Variants in JARID2 observed in about 807,000 individuals in gnomAD.
JARID2 encodes jumonji and AT-rich interaction domain containing 2.
Under a neutral mutation model 125.6 loss-of-function variants are expected in JARID2, and 21 were observed. The observed-to-expected ratio is 0.17, with a 90% CI of 0.12 to 0.24. The LOEUF (loss-of-function observed/expected upper bound fraction) is 0.24, where lower values mean the gene tolerates loss of function less well. Ranked by LOEUF, JARID2 falls within the 10% of genes least tolerant of loss-of-function variation. The pLI, the probability that JARID2 is intolerant of heterozygous loss-of-function variation, is 1.00. For missense variants in JARID2, 1,303 were observed against 1,639.6 expected (o/e 0.79, Z 3.55); for synonymous variants, 736 against 661.6 (o/e 1.11, Z -1.73).
intron 1 of JARID2, among the ~76,000 whole-genome samples, chr6:15,284,951 C>T (rs61307724): frequency 6.6e-6 from 1 of 152,088 alleles, no homozygotes; most frequent in Non-Finnish European, 1.5e-5. Flanking sequence ...AGAACTGGCT[C>T]TGCGCCCCTC....
intron 1 of JARID2, among the ~76,000 whole-genome samples, chr6:15,268,963 G>T (rs1189396283): frequency 2.0e-5 from 3 of 152,180 alleles, no homozygotes; most frequent in Non-Finnish European, 4.4e-5. Context: ...GTGTGCGTGT[G>T]CCCATGGCAG....
intron 6 of JARID2, among the ~76,000 whole-genome samples, chr6:15,492,307 G>A (rs527920556): frequency 5.5e-4 from 84 of 152,354 alleles, no homozygotes; most frequent in Admixed American, 4.6e-4. Context: ...TGTAGCCCAC[G>A]TCGGCGCTAA....
intron 1 of JARID2, among the ~76,000 whole-genome samples, chr6:15,257,374 A>G (rs531217730): frequency 1.3e-5 from 2 of 152,264 alleles, no homozygotes; most frequent in African/African-American, 4.8e-5. Flanking sequence ...ACTTGCACAT[A>G]CAGTTTTATA....
At chr6:15,381,111 T>TG (rs1764565276) in intron 2 of JARID2, among the ~76,000 whole-genome samples, 1 of 151,180 alleles carries the variant, frequency 6.6e-6, no homozygotes, top group Non-Finnish European at 1.5e-5. Context: ...CCCAGCACTT[T>TG]GGGGGGCCGA....
At chr6:15,392,118 A>G (rs1349610665) in intron 2 of JARID2, among the ~76,000 whole-genome samples, 1 of 150,664 alleles carries the variant, frequency 6.6e-6, no homozygotes, top group Non-Finnish European at 1.5e-5. Flanking sequence ...AACTTGGCCT[A>G]GGTTTTAGTG....
Position 15,410,107 on chromosome 6 carries a change from TTC to T in JARID2, c.182-113_182-112del, listed in dbSNP as rs149565712. 9.6e-4 allele frequency: 900 copies of T among 933,774 alleles called. 5 individuals carry two copies. The African/African-American group carries it at 0.013, about 13-fold the overall frequency. 57.8% of individuals were successfully genotyped at this position (933,774 alleles called of 1,614,324 possible). On this transcript the variant is annotated intron_variant, in intron 2 of 17. Coordinates refer to ENST00000341776, the MANE Select transcript of JARID2 (RefSeq NM_004973.4). ...TTCAAAAGGGATGTGTGCTTTTAAA[TTC>T]TCTTCTATCCACATTCTTGTCTGTC...
chr6:15,278,265 G>A (rs1201936005), intron 1 of JARID2, among the ~76,000 whole-genome samples: 2 of 150,834 alleles, frequency 1.3e-5, no homozygotes, highest in Non-Finnish European at 3.0e-5. Flanking sequence ...GCTGGGCGCC[G>A]TGGCTCTGCC....
At chr6:15,282,018 C>G (rs973307273) in intron 1 of JARID2, among the ~76,000 whole-genome samples, 5 of 151,698 alleles carry the variant, frequency 3.3e-5, no homozygotes, top group African/African-American at 1.2e-4. Context: ...GGCATGATCT[C>G]AGCGAACTGT....
At chr6:15,312,144 C>T (rs1246716807) in intron 1 of JARID2, among the ~76,000 whole-genome samples, 1 of 152,188 alleles carries the variant, frequency 6.6e-6, no homozygotes, top group Non-Finnish European at 1.5e-5. Context: ...CAGCCTTCAC[C>T]TCCCAGGTTC....
At chr6:15,461,437 C>CAGG (rs1768444214) in intron 4 of JARID2, among the ~76,000 whole-genome samples, 1 of 152,124 alleles carries the variant, frequency 6.6e-6, no homozygotes, top group African/African-American at 2.4e-5. Context: ...AGCTGTAATC[C>CAGG]AGGAGGAGGA....
intron 1 of JARID2, among the ~76,000 whole-genome samples, chr6:15,315,791 C>G (rs745886122): frequency 6.6e-6 from 1 of 152,168 alleles, no homozygotes; most frequent in Non-Finnish European, 1.5e-5. Context: ...GTTAATGAAG[C>G]AAGCAAGTCC....
intron 1 of JARID2, among the ~76,000 whole-genome samples, chr6:15,281,696 C>G (rs1760756631): frequency 6.6e-6 from 1 of 152,222 alleles, no homozygotes; most frequent in Non-Finnish European, 1.5e-5. Flanking sequence ...CATTCTATTT[C>G]ATGCTGCAAG....
chr6:15,374,013 C>T, intron 1 of JARID2, 104 bp from the exon 2 acceptor site: 1 of 1,330,920 alleles, frequency 7.5e-7, no homozygotes. Flanking sequence ...GTCGTGGTCA[C>T]ACAGTACGTG....
intron 4 of JARID2, among the ~76,000 whole-genome samples, chr6:15,455,680 C>T (rs896574006): frequency 1.3e-5 from 2 of 152,172 alleles, no homozygotes; most frequent in Middle Eastern, 6.8e-3. Flanking sequence ...TACAGGCGCC[C>T]ACCACTACGC....
intron 2 of JARID2, chr6:15,400,864 T>C (rs1765402859): frequency 1.6e-6 from 2 of 1,286,716 alleles, no homozygotes; most frequent in Non-Finnish European, 2.0e-6. Flanking sequence ...TGACAAGTGC[T>C]CCGGAGCCTG....
At chr6:15,273,869 A>G (rs1041976004) in intron 1 of JARID2, among the ~76,000 whole-genome samples, 1 of 152,046 alleles carries the variant, frequency 6.6e-6, no homozygotes, top group African/African-American at 2.4e-5. Context: ...ATACTCACTG[A>G]AGAACATACT....
At chr6:15,393,934 T>C (rs1765120112) in intron 2 of JARID2, among the ~76,000 whole-genome samples, 1 of 152,112 alleles carries the variant, frequency 6.6e-6, no homozygotes, top group Admixed American at 6.5e-5. Flanking sequence ...TGTAAAATTG[T>C]AATTAATAAA....
intron 16 of JARID2, among the ~76,000 whole-genome samples, chr6:15,513,892 CA>C (rs1771405744): frequency 6.6e-6 from 1 of 152,228 alleles, no homozygotes; most frequent in South Asian, 2.1e-4. Context: ...TGCTCAGCTA[CA>C]TGATCTGCCT....
chr6:15,381,103 C>G (rs1357452038), intron 2 of JARID2, among the ~76,000 whole-genome samples: 1 of 151,342 alleles, frequency 6.6e-6, no homozygotes, highest in Non-Finnish European at 1.5e-5. Context: ...CCTGTAATCC[C>G]AGCACTTTGG....
Sources: allele counts gnomAD v4.1 joint callset (sites outside exome capture counted in the v4.1 genomes callset), GRCh38; gene constraint gnomAD v4.1.1; transcripts MANE v1.5; gene names NCBI Gene and HGNC (gene_info 2026-07-23, HGNC 2026-07-21).